RYR1: variants seen among roughly 807,000 people sequenced by gnomAD.
RYR1 encodes ryanodine receptor 1.
RYR1 carries 342 observed loss-of-function variants against 583.5 expected under a neutral mutation model. That is an observed-to-expected ratio of 0.59 (90% CI 0.54 to 0.64). The LOEUF (loss-of-function observed/expected upper bound fraction) is 0.64, where lower values mean the gene tolerates loss of function less well. RYR1 is among the 30% of genes least tolerant of loss of function. The pLI, the probability that RYR1 is intolerant of heterozygous loss-of-function variation, is 0.00. For synonymous variants in RYR1, 2,791 were observed against 2,822.5 expected (o/e 0.99, Z 0.35); for missense variants, 6,032 against 6,917.2 (o/e 0.87, Z 4.54).
At chr19:38,578,353 C>T in intron 99 of RYR1, 149 bp downstream of exon 99, 1 of 731,464 alleles carries the variant, frequency 1.4e-6, no homozygotes, top group Non-Finnish European at 2.4e-6. Context: ...CACAAGGCTC[C>T]TTATCCCCCT....
At chr19:38,490,850 TTGAA>T (rs1489541774) in intron 37 of RYR1, 118 bp downstream of exon 37, 2 of 730,530 alleles carry the variant, frequency 2.7e-6, no homozygotes, top group Non-Finnish European at 2.5e-6. Flanking sequence ...TAACTATTGG[TTGAA>T]TGAATGAATG....
At chr19:38,536,198 G>T (rs1462828785) in intron 82 of RYR1, 128 bp downstream of exon 82, 1 of 825,436 alleles carries the variant, frequency 1.2e-6, no homozygotes, top group African/African-American at 1.9e-5. Flanking sequence ...GGCTCCCTCG[G>T]GTCCCTCCCT....
intron 9 of RYR1, among the ~76,000 whole-genome samples, chr19:38,447,223 T>TCAAACAAA (rs142759401): frequency 6.7e-6 from 1 of 150,252 alleles, no homozygotes. Flanking sequence ...AGATCCTGTC[T>TCAAACAAA]CAAACAAACA....
intron 3 of RYR1, among the ~76,000 whole-genome samples, chr19:38,442,988 G>A (rs1972768647): frequency 6.6e-6 from 1 of 152,208 alleles, no homozygotes; most frequent in Non-Finnish European, 1.5e-5. Flanking sequence ...TGGCGCCCTT[G>A]GAGCATGGGC....
At chr19:38,440,133 A>T (rs1323605067) in intron 1 of RYR1, among the ~76,000 whole-genome samples, 1 of 152,138 alleles carries the variant, frequency 6.6e-6, no homozygotes, top group Non-Finnish European at 1.5e-5. Context: ...TCCCCATTTT[A>T]AAATGGGGAT....
At chr19:38,536,288 C>T (rs1055592202) in intron 82 of RYR1, among the ~76,000 whole-genome samples, 1 of 146,704 alleles carries the variant, frequency 6.8e-6, no homozygotes, top group Non-Finnish European at 1.5e-5. Context: ...TCCGCCCCCC[C>T]CCGCCACCAG....
chr19:38,519,078 T>C lies in RYR1; in HGVS notation c.10019-136T>C. The stretch of plus-strand genomic sequence containing the variant: ...CTGGGATCAGTGTTCAGGGACTATA[T>C]CCAAGGTTAGGGTCAGGCTGGGGTC... On this transcript the variant is annotated intron_variant, in intron 66 of 105. Transcript: ENST00000359596. The C allele has an allele frequency of 5.6e-6, 8 of 1,433,172 alleles. No homozygotes were observed. In the South Asian group the frequency reaches 9.2e-5, roughly 17 times the overall value. 88.8% of individuals were successfully genotyped at this position (1,433,172 alleles called of 1,614,324 possible).
At position 38,534,778 on chromosome 19, in the gene RYR1, G is replaced by A. The variant is rs1971892185; in HGVS notation, c.11318G>A (p.Gly3773Glu). ...LYQQARLHTRGAAEMVLQMIS... is the reference protein window; with the variant it reads ...LYQQARLHTREAAEMVLQMIS... ...CAGCAAGCACGGCTGCACACCCGGG[G>A]GGCGGCCGAGATGGTGCTGCAGATG... Residue 3773 changes from glycine (G) to glutamate (E), a missense_variant, in exon 79 of 106, where the codon GGG becomes GAG. Gly to Glu is a moderately conservative substitution (Grantham distance 98). Around this residue, in one of 11 missense-constraint regions of RYR1, gnomAD observed 1,493 missense variants for 1,715.5 expected, o/e 0.87. Coordinates refer to ENST00000359596, the MANE Select transcript of RYR1 (RefSeq NM_000540.3). The A allele has an allele frequency of 1.2e-6, 2 of 1,613,884 alleles. No homozygotes were observed.
chr19:38,500,978 C>T lies in RYR1; in HGVS notation c.7602C>T (p.Ala2534=), dbSNP rs1307441520. The T allele has an allele frequency of 1.2e-6, 2 of 1,613,524 alleles. No individual in the cohort carries two copies. The highest frequency in any genetic ancestry group is 4.5e-5 in the East Asian group (2 of 44,882). The part of the protein sequence containing the change: ...VGFLPDMRAA[A]SLDTATFSTT... ...TCCTGCCCGACATGAGGGCAGCCGC[C>T]TCGCTGGACACGGTGAGCAACCCTG... The change falls in exon 47 of 106, where the codon GCC becomes GCT. Residue 2534 remains alanine (A), a synonymous_variant. Coordinates refer to ENST00000359596, the MANE Select transcript of RYR1 (RefSeq NM_000540.3). The surrounding 1 kb of genome is among the most constrained non-coding windows in gnomAD (Gnocchi z 5.9).
At position 38,473,767 on chromosome 19, in the gene RYR1, AGAGGGTGAGTC is replaced by A; in HGVS notation, c.4160+2_4160+12del. On this transcript the variant is annotated splice_donor_variant and splice_donor_5th_base_variant and coding_sequence_variant and intron_variant, in exon 28 of 106. Coordinates refer to ENST00000359596, the MANE Select transcript of RYR1 (RefSeq NM_000540.3). LOFTEE classifies it high-confidence loss of function. ...TGCCACCACCGAGAAGAACAAGAAG[AGAGGGTGAGTC>A]GAGGGGGGCCCAGAGTGGGGATTGG... 6.6e-7 allele frequency: 1 copy of A among 1,526,174 alleles called. No homozygotes were observed. The highest frequency in any genetic ancestry group is 8.8e-7 in the Non-Finnish European group (1 of 1,135,300). The allele number at this position is 1,526,174 out of a possible 1,614,324, so 94.5% of individuals were successfully genotyped here. A position where few individuals can be genotyped will look rare whatever the true frequency, so the allele number is the denominator to read the frequency against.
At chr19:38,454,819 A>G (rs1967277872) in intron 13 of RYR1, among the ~76,000 whole-genome samples, 1 of 150,880 alleles carries the variant, frequency 6.6e-6, no homozygotes, top group Non-Finnish European at 1.5e-5. Context: ...AGATAAAGTG[A>G]GAAAAATCTT....
intron 96 of RYR1, among the ~76,000 whole-genome samples, chr19:38,574,545 T>C (rs139335689): frequency 1.3e-4 from 20 of 152,046 alleles, no homozygotes; most frequent in Non-Finnish European, 2.6e-4. Flanking sequence ...GGCTGGAGGA[T>C]GGCGTGAGCC....
chr19:38,534,047 G>A (rs1253239300), intron 78 of RYR1, among the ~76,000 whole-genome samples: 5 of 138,186 alleles, frequency 3.6e-5, no homozygotes, highest in African/African-American at 5.4e-5. Context: ...TCGCTGTGTC[G>A]CCCAGGCTGG....
At chr19:38,540,387 A>G (rs200980324) in intron 84 of RYR1, among the ~76,000 whole-genome samples, 2,066 of 141,198 alleles carry the variant, frequency 0.015, 80 homozygotes, top group Admixed American at 0.047. Flanking sequence ...ACCTCCAATC[A>G]TATACTACAG....
intron 64 of RYR1, 62 bp downstream of exon 64, chr19:38,515,169 G>A: frequency 8.9e-7 from 1 of 1,128,904 alleles, no homozygotes; most frequent in South Asian, 1.3e-5. Context: ...AGGGAGCAGG[G>A]GAAGAAGATG....
rs772751128 is a variant in RYR1 at position 38,458,163 on chromosome 19, C to T, written c.2038C>T (p.His680Tyr). ...VTPFLTAQAT[H>Y]LRVGWALTEG... ...TCCATTTCTGACAGCTCAGGCCACC[C>T]ACTTGCGGGTGGGCTGGGCCCTCAC... Residue 680 changes from histidine to tyrosine, a missense_variant, in exon 18 of 106, where the codon CAC (histidine) becomes TAC (tyrosine). This residue lies in a region of RYR1 where 2,627 missense variants were observed against 2,961.3 expected (regional missense o/e 0.89). Coordinates refer to ENST00000359596, the MANE Select transcript of RYR1 (RefSeq NM_000540.3). 2.3e-5 allele frequency: 37 copies of T among 1,613,888 alleles called. No homozygotes were observed. The highest frequency in any genetic ancestry group is 3.0e-5 in the Non-Finnish European group (35 of 1,180,032).
At chr19:38,585,399 T>C (rs1055113765) in intron 102 of RYR1, among the ~76,000 whole-genome samples, 6 of 147,756 alleles carry the variant, frequency 4.1e-5, no homozygotes, top group Non-Finnish European at 7.5e-5. Flanking sequence ...TTTATTTATA[T>C]ATATATGTGT....
chr19:38,463,559 G>A (rs377219315), intron 21 of RYR1, 32 bp downstream of exon 21: 289 of 1,598,604 alleles, frequency 1.8e-4, no homozygotes, highest in Middle Eastern at 3.3e-4. Context: ...GCGGGAGGCC[G>A]GCTAGACTTG....
chr19:38,481,269 G>C (rs1195861170), intron 31 of RYR1, among the ~76,000 whole-genome samples: 4 of 152,076 alleles, frequency 2.6e-5, no homozygotes, highest in Middle Eastern at 3.2e-3. Flanking sequence ...TGGGACCACA[G>C]ACACGCACTA....
Sources: gnomAD v4.1 joint callset for allele counts (sites outside exome capture counted in the v4.1 genomes callset) on GRCh38, gnomAD v4.1.1 for gene constraint, gnomAD v4.1.1 regional missense constraint, Gnocchi (gnomAD v3.1) non-coding constraint, MANE v1.5 for transcripts, NCBI Gene and HGNC (gene_info 2026-07-23, HGNC 2026-07-21) for gene names.